Variants in NLGN1 observed in about 807,000 individuals in gnomAD.
NLGN1 encodes neuroligin-1.
A neutral mutation model predicts 65.5 loss-of-function variants in NLGN1; 12 were observed. The ratio of observed to expected loss-of-function variants is 0.18; its 90% CI spans 0.12 to 0.30. The LOEUF (loss-of-function observed/expected upper bound fraction) is 0.30. Ranked by LOEUF, NLGN1 falls within the 10% of genes least tolerant of loss-of-function variation. The probability of loss-of-function intolerance (pLI) is 1.00; values close to 1 mark genes in which losing one functional copy is unlikely to be tolerated. For synonymous variants in NLGN1, 350 were observed against 359.5 expected (o/e 0.97, Z 0.30); for missense variants, 750 against 1,007.1 (o/e 0.74, Z 3.46).
At chr3:174,286,727 T>C (rs1333173351), downstream of NLGN1, 1 of 151,630 alleles carries the variant, frequency 6.6e-6, no homozygotes, top group East Asian at 1.9e-4. Flanking sequence ...AAGTGTTTTC[T>C]TACAAAGTCT....
chr3:173,817,055 T>G (rs2150508733), intron 4 of NLGN1, among the ~76,000 whole-genome samples: 1 of 152,382 alleles, frequency 6.6e-6, no homozygotes, highest in African/African-American at 2.4e-5. Context: ...AAATATTTGT[T>G]AATGAATTTA....
chr3:173,928,537 T>C (rs1267266928), intron 4 of NLGN1, among the ~76,000 whole-genome samples: 1 of 152,162 alleles, frequency 6.6e-6, no homozygotes, highest in Non-Finnish European at 1.5e-5. Context: ...ATTCATTGAA[T>C]TGAATTAAAT....
chr3:173,786,594 GTATTTA>G (rs1413555469), intron 3 of NLGN1, among the ~76,000 whole-genome samples: 7 of 152,008 alleles, frequency 4.6e-5, no homozygotes, highest in African/African-American at 1.2e-4. Flanking sequence ...AATATGTGTA[GTATTTA>G]TATTTATAAA....
intron 4 of NLGN1, among the ~76,000 whole-genome samples, chr3:173,908,554 C>A (rs1738914823): frequency 6.6e-6 from 1 of 151,508 alleles, no homozygotes; most frequent in Non-Finnish European, 1.5e-5. Context: ...TAATTTCTAT[C>A]CCCATCACCC....
intron 4 of NLGN1, among the ~76,000 whole-genome samples, chr3:174,035,952 G>A (rs142289123): frequency 1.3e-5 from 2 of 152,072 alleles, no homozygotes; most frequent in African/African-American, 4.8e-5. Context: ...TATACATTCT[G>A]CATTTACAAA....
Position 173,979,234 on chromosome 3 carries a change from T to C in NLGN1, c.646+171402T>C, listed in dbSNP as rs1386830862. 3.3e-5 allele frequency among the ~76,000 whole-genome samples: 5 copies of C among 151,836 alleles called. No homozygotes were observed. In the East Asian group the frequency reaches 9.7e-4, roughly 30 times the overall value. On this transcript the variant is annotated intron_variant, in intron 4 of 6. Transcript: ENST00000457714. ...ATAACTCTCCCACAAGAACAGATTGTAAAGAGAAATAGATAGAGCAATAGC... is the reference window on the plus strand; with the variant it reads ...ATAACTCTCCCACAAGAACAGATTGCAAAGAGAAATAGATAGAGCAATAGC...
intron 3 of NLGN1, among the ~76,000 whole-genome samples, chr3:173,763,490 A>G (rs993250819): frequency 1.3e-5 from 2 of 152,154 alleles, no homozygotes; most frequent in African/African-American, 2.4e-5. Flanking sequence ...TATTACAAAT[A>G]TAATTTTGGT....
intron 4 of NLGN1, among the ~76,000 whole-genome samples, chr3:173,900,441 A>G (rs1737131535): frequency 6.6e-6 from 1 of 152,030 alleles, no homozygotes; most frequent in Non-Finnish European, 1.5e-5. Flanking sequence ...TTTCCAGATG[A>G]AGACTGGCCA....
intron 3 of NLGN1, among the ~76,000 whole-genome samples, chr3:173,618,734 G>T (rs1003156357): frequency 1.3e-5 from 2 of 152,124 alleles, no homozygotes; most frequent in Non-Finnish European, 2.9e-5. Flanking sequence ...GGCTTTTCTA[G>T]TGGATGGTGG....
intron 1 of NLGN1, among the ~76,000 whole-genome samples, chr3:173,405,301 T>C (rs1393890270): frequency 6.6e-6 from 1 of 152,100 alleles, no homozygotes; most frequent in African/African-American, 2.4e-5. Context: ...CAGAACTCAT[T>C]TGCCTTCCTT....
At chr3:173,992,094 G>GAATT (rs1162671674) in intron 4 of NLGN1, among the ~76,000 whole-genome samples, 1 of 151,990 alleles carries the variant, frequency 6.6e-6, no homozygotes, top group Non-Finnish European at 1.5e-5. Flanking sequence ...TCCCAAAGGA[G>GAATT]AATTGGTTTT....
At chr3:173,952,942 C>G (rs996439026) in intron 4 of NLGN1, among the ~76,000 whole-genome samples, 2 of 151,926 alleles carry the variant, frequency 1.3e-5, no homozygotes, top group Non-Finnish European at 2.9e-5. Context: ...CCACACCAGG[C>G]TAATTTTTGT....
intron 1 of NLGN1, among the ~76,000 whole-genome samples, chr3:173,402,175 A>G (rs959619177): frequency 2.6e-5 from 4 of 152,166 alleles, no homozygotes; most frequent in Admixed American, 1.3e-4. Context: ...GGATTCTGGT[A>G]CAGATGTGTT....
intron 4 of NLGN1, among the ~76,000 whole-genome samples, chr3:174,178,678 T>G (rs1453323758): frequency 6.6e-6 from 1 of 152,112 alleles, no homozygotes; most frequent in Non-Finnish European, 1.5e-5. Context: ...TCAAAGATGA[T>G]TTATTTCTCC....
At chr3:174,098,450 G>A (rs1048435449) in intron 4 of NLGN1, among the ~76,000 whole-genome samples, 1 of 152,100 alleles carries the variant, frequency 6.6e-6, no homozygotes, top group Non-Finnish European at 1.5e-5. Flanking sequence ...GTAAAAGGAG[G>A]GTCAGTGGGA....
At chr3:174,018,307 G>A (rs769178301) in intron 4 of NLGN1, among the ~76,000 whole-genome samples, 38 of 152,030 alleles carry the variant, frequency 2.5e-4, no homozygotes, top group Non-Finnish European at 4.1e-4. Context: ...ACAGGGTCCT[G>A]AGGTGACATA....
At chr3:173,786,357 G>A (rs34626435) in intron 3 of NLGN1, among the ~76,000 whole-genome samples, 26,127 of 151,854 alleles carry the variant, frequency 0.17, 3,261 homozygotes, top group African/African-American at 0.36. Flanking sequence ...TGATCTTTCT[G>A]TGATCTTGTT....
intron 4 of NLGN1, among the ~76,000 whole-genome samples, chr3:173,842,966 C>A (rs1174892208): frequency 6.6e-6 from 1 of 152,212 alleles, no homozygotes; most frequent in Non-Finnish European, 1.5e-5. Flanking sequence ...CGTGCCCCTG[C>A]AGCAAACTTT....
At chr3:174,265,607 A>G (rs1167418385) in intron 4 of NLGN1, among the ~76,000 whole-genome samples, 2 of 151,726 alleles carry the variant, frequency 1.3e-5, no homozygotes. Context: ...TGAACCCGGT[A>G]CCTCAGATGG....
Sources: gnomAD v4.1 joint callset for allele counts (sites outside exome capture counted in the v4.1 genomes callset) on GRCh38, gnomAD v4.1.1 for gene constraint, MANE v1.5 for transcripts, NCBI Gene and HGNC (gene_info 2026-07-23, HGNC 2026-07-21) for gene names.